Variants in ZNF804B observed in about 807,000 individuals in gnomAD.
ZNF804B encodes the protein zinc finger protein 804B.
Under a neutral mutation model 101.4 loss-of-function variants are expected in ZNF804B, and 80 were observed. That is an observed-to-expected ratio of 0.79 (90% CI 0.66 to 0.95). The LOEUF (loss-of-function observed/expected upper bound fraction) is 0.95. ZNF804B is among the 40% of genes least tolerant of loss of function. ZNF804B has a pLI of 0.00. For missense variants in ZNF804B, 1,673 were observed against 1,561.9 expected, an observed-to-expected ratio of 1.07 and a Z score of -1.20; for synonymous variants, 622 against 558.8, an observed-to-expected ratio of 1.11 and a Z score of -1.59.
At chr7:89,077,883 C>T (rs568590130) in intron 1 of ZNF804B, among the ~76,000 whole-genome samples, 3 of 151,876 alleles carry the variant, frequency 2.0e-5, no homozygotes, top group African/African-American at 7.3e-5. Flanking sequence ...CCAGAAAAAC[C>T]GCAAGGGTTT....
chr7:89,163,379 TTC>T (rs1409348814), intron 1 of ZNF804B, among the ~76,000 whole-genome samples: 1 of 152,164 alleles, frequency 6.6e-6, no homozygotes, highest in Admixed American at 6.6e-5. Flanking sequence ...GAAACCTTGT[TTC>T]TGTTATTCCT....
At chr7:89,319,871 G>A (rs951247725) in intron 2 of ZNF804B, among the ~76,000 whole-genome samples, 1 of 152,116 alleles carries the variant, frequency 6.6e-6, no homozygotes, top group Non-Finnish European at 1.5e-5. Flanking sequence ...GTACTTGAGG[G>A]CTCACAGAAA....
At chr7:88,771,108 C>T (rs1274919726) in intron 1 of ZNF804B, among the ~76,000 whole-genome samples, 1 of 152,042 alleles carries the variant, frequency 6.6e-6, no homozygotes, top group Non-Finnish European at 1.5e-5. Context: ...CCCTGTCATA[C>T]CATCTACATC....
chr7:89,282,306 G>A (rs1352509486), intron 2 of ZNF804B, among the ~76,000 whole-genome samples: 2 of 151,732 alleles, frequency 1.3e-5, no homozygotes, highest in African/African-American at 4.8e-5. Context: ...TCATGACTAT[G>A]AAATGACACA....
At chr7:89,302,009 T>G (rs900556513) in intron 2 of ZNF804B, among the ~76,000 whole-genome samples, 4 of 151,910 alleles carry the variant, frequency 2.6e-5, no homozygotes, top group African/African-American at 4.8e-5. Context: ...ACCCATGGCA[T>G]CAGCTTGAAC....
intron 1 of ZNF804B, among the ~76,000 whole-genome samples, chr7:89,057,955 G>A (rs1409963768): frequency 6.6e-6 from 1 of 152,042 alleles, no homozygotes; most frequent in Non-Finnish European, 1.5e-5. Flanking sequence ...GATTAAGTGT[G>A]CAAGTAAAGA....
chr7:89,013,263 C>T (rs1214272793), intron 1 of ZNF804B, among the ~76,000 whole-genome samples: 2 of 152,106 alleles, frequency 1.3e-5, no homozygotes, highest in African/African-American at 4.8e-5. Flanking sequence ...ATAAGCCATG[C>T]TCCTGCGAGC....
intron 2 of ZNF804B, among the ~76,000 whole-genome samples, chr7:89,237,147 T>C (rs1321899951): frequency 6.6e-6 from 1 of 152,166 alleles, no homozygotes; most frequent in Non-Finnish European, 1.5e-5. Context: ...TCTAAAAATA[T>C]AAGGTATAAT....
chr7:89,060,351 C>A (rs1237217177), intron 1 of ZNF804B, among the ~76,000 whole-genome samples: 1 of 152,072 alleles, frequency 6.6e-6, no homozygotes, highest in Non-Finnish European at 1.5e-5. Flanking sequence ...TGAAATTGTT[C>A]TCTTGCAAAA....
intron 2 of ZNF804B, among the ~76,000 whole-genome samples, chr7:89,296,227 A>G (rs1181304207): frequency 6.6e-6 from 1 of 152,096 alleles, no homozygotes; most frequent in African/African-American, 2.4e-5. Flanking sequence ...CTTGTTAAAT[A>G]AATCAGTTAA....
At chr7:88,928,830 A>G (rs1421528038) in intron 1 of ZNF804B, among the ~76,000 whole-genome samples, 1 of 152,104 alleles carries the variant, frequency 6.6e-6, no homozygotes, top group Non-Finnish European at 1.5e-5. Context: ...TACAGCTCTG[A>G]GGTTATCACT....
chr7:89,251,484 G>C (rs1193606819), intron 2 of ZNF804B, among the ~76,000 whole-genome samples: 1 of 151,700 alleles, frequency 6.6e-6, no homozygotes, highest in East Asian at 1.9e-4. Flanking sequence ...CATGCTCATA[G>C]ACTGGAAGTA....
chr7:89,045,367 C>A (rs1415499936), intron 1 of ZNF804B, among the ~76,000 whole-genome samples: 1 of 152,228 alleles, frequency 6.6e-6, no homozygotes, highest in Non-Finnish European at 1.5e-5. Context: ...AGGGTCCCCA[C>A]TGGGCACTGC....
intron 1 of ZNF804B, among the ~76,000 whole-genome samples, chr7:88,855,947 C>T (rs544306822): frequency 6.6e-6 from 1 of 152,248 alleles, no homozygotes. Flanking sequence ...GGGCTCTATT[C>T]TGTTCCATTG....
rs185397093 is a variant in ZNF804B at position 88,873,827 on chromosome 7, A to C, written c.108+113743A>C. Among the ~76,000 whole-genome samples, 403 of 152,170 alleles carry C rather than the reference A, an allele frequency of 2.6e-3. 1 individual carries two copies. Among genetic ancestry groups the C allele is most frequent in the Middle Eastern group, 3.4e-3 (1 of 294 alleles). On this transcript the variant is annotated intron_variant, in intron 1 of 3. Transcript: ENST00000333190. ...GGGCTCTGTTCTGTTCCATTGATCT[A>C]TATCTTTGTTTTGGTACCAGTACCA...
intron 1 of ZNF804B, among the ~76,000 whole-genome samples, chr7:88,801,594 T>C (rs186845104): frequency 1.3e-5 from 2 of 152,204 alleles, no homozygotes; most frequent in East Asian, 3.9e-4. Flanking sequence ...CAAATGTAAA[T>C]CATAAGCTTA....
At chr7:88,925,970 T>A (rs1359972586) in intron 1 of ZNF804B, among the ~76,000 whole-genome samples, 1 of 152,126 alleles carries the variant, frequency 6.6e-6, no homozygotes, top group Non-Finnish European at 1.5e-5. Flanking sequence ...GAAGAAAATC[T>A]AGCCAGGATG....
chr7:89,011,186 A>C (rs1788456170), intron 1 of ZNF804B, among the ~76,000 whole-genome samples: 1 of 152,124 alleles, frequency 6.6e-6, no homozygotes, highest in African/African-American at 2.4e-5. Context: ...GAACTATCAG[A>C]TCTTGTGAGA....
intron 2 of ZNF804B, among the ~76,000 whole-genome samples, chr7:89,272,915 T>A (rs1230414824): frequency 6.6e-6 from 1 of 152,086 alleles, no homozygotes; most frequent in Non-Finnish European, 1.5e-5. Flanking sequence ...GCCTTTATAC[T>A]GCCCTCTTGT....
Sources: gnomAD v4.1 joint callset for allele counts (sites outside exome capture counted in the v4.1 genomes callset) on GRCh38, gnomAD v4.1.1 for gene constraint, MANE v1.5 for transcripts, NCBI Gene and HGNC (gene_info 2026-07-23, HGNC 2026-07-21) for gene names.